The following ARHGEF7 variants were observed in gnomAD, a reference collection of about 807,000 sequenced individuals.
ARHGEF7 encodes Rho guanine nucleotide exchange factor 7, also known as PAK-interacting exchange factor beta.
In ARHGEF7, 33 loss-of-function variants were observed where a neutral mutation model predicts 109.8. That is an observed-to-expected ratio of 0.30 (90% confidence interval 0.23 to 0.40). The LOEUF (loss-of-function observed/expected upper bound fraction) is 0.40, where lower values mean the gene tolerates loss of function less well. Among genes scored for constraint, ARHGEF7 ranks in the 10% least tolerant of loss-of-function variants. ARHGEF7 has a pLI of 1.00. For missense variants in ARHGEF7, 938 were observed against 1,098.5 expected, an observed-to-expected ratio of 0.85 and a Z score of 2.07; for synonymous variants, 458 against 424.6, an observed-to-expected ratio of 1.08 and a Z score of -0.97.
At chr13:111,155,165 G>A (rs756528541) in intron 2 of ARHGEF7, among the ~76,000 whole-genome samples, 3 of 152,090 alleles carry the variant, frequency 2.0e-5, no homozygotes, top group East Asian at 3.9e-4. Context: ...GTATCCACCG[G>A]GATCCTGGAA....
chr13:111,232,819 C>G (rs1052244781), intron 5 of ARHGEF7, among the ~76,000 whole-genome samples: 1 of 152,102 alleles, frequency 6.6e-6, no homozygotes, highest in Non-Finnish European at 1.5e-5. Flanking sequence ...AACTTTTAGC[C>G]CTGATGTTTT....
intron 2 of ARHGEF7, among the ~76,000 whole-genome samples, chr13:111,198,952 G>C (rs369513163): frequency 6.6e-6 from 1 of 152,080 alleles, no homozygotes; most frequent in South Asian, 2.1e-4. Context: ...AGCTGGACAC[G>C]GAGTGCTGAT....
At chr13:111,194,164 T>C (rs1332228997) in intron 2 of ARHGEF7, among the ~76,000 whole-genome samples, 1 of 152,232 alleles carries the variant, frequency 6.6e-6, no homozygotes, top group African/African-American at 2.4e-5. Context: ...TGCCACCGGT[T>C]GTGGGGTTGT....
chr13:111,176,813 A>G (rs748627960), intron 2 of ARHGEF7, among the ~76,000 whole-genome samples: 47 of 152,180 alleles, frequency 3.1e-4, no homozygotes, highest in Admixed American at 9.2e-4. Context: ...CTGGAGTGCA[A>G]TGGTGCGATT....
At chr13:111,204,828 G>T (rs748182627) in intron 2 of ARHGEF7, among the ~76,000 whole-genome samples, 2 of 152,290 alleles carry the variant, frequency 1.3e-5, no homozygotes, top group South Asian at 4.1e-4. Flanking sequence ...TCTGATGTCC[G>T]CATTTTCTTT....
intron 2 of ARHGEF7, among the ~76,000 whole-genome samples, chr13:111,190,370 T>G (rs540433948): frequency 9.4e-4 from 143 of 152,304 alleles, no homozygotes; most frequent in Non-Finnish European, 1.6e-3. Context: ...CATCTCGTAC[T>G]ATCCCTGACT....
chr13:111,136,174 G>C (rs2075075797), intron 1 of ARHGEF7, among the ~76,000 whole-genome samples: 1 of 152,140 alleles, frequency 6.6e-6, no homozygotes, highest in Non-Finnish European at 1.5e-5. Flanking sequence ...TAAGCTTTTT[G>C]ATGTGCTCCT....
chr13:111,287,781 TAGCACAGCACCCTGAGCAGCAGGC>T (rs1421482189), intron 17 of ARHGEF7, among the ~76,000 whole-genome samples: 1 of 151,968 alleles, frequency 6.6e-6, no homozygotes, highest in Non-Finnish European at 1.5e-5. Context: ...GAGCGGGAGG[TAGCACAGCACCCTGAGCAGCAGGC>T]AGCCAGAGTC....
At chr13:111,223,600 G>T (rs2084771004) in intron 5 of ARHGEF7, among the ~76,000 whole-genome samples, 1 of 152,176 alleles carries the variant, frequency 6.6e-6, no homozygotes, top group Non-Finnish European at 1.5e-5. Flanking sequence ...AGATGGAATT[G>T]TTCTTGTCAA....
In ARHGEF7 at chr13:111,272,213, C is replaced by T. The variant is rs1356350207; in HGVS notation, c.1074-1601C>T. Among the ~76,000 whole-genome samples, 3 of 152,210 alleles carry T rather than the reference C, an allele frequency of 2.0e-5. No individual in the cohort carries two copies. The highest frequency in any genetic ancestry group is 4.4e-5 in the Non-Finnish European group (3 of 68,026). On this transcript the variant is annotated intron_variant, in intron 9 of 21. Transcript: ENST00000646102. This position sits in a 1 kb window ranked among gnomAD's most constrained non-coding sequence, Gnocchi z 5.2. ...GCGGGAAGGGCTGGCACCACCCTGG[C>T]TCTCAGTCCTCCTTATGGGAAGCTG...
chr13:111,240,885 T>C (rs189350617), intron 6 of ARHGEF7, among the ~76,000 whole-genome samples: 51 of 152,370 alleles, frequency 3.3e-4, no homozygotes, highest in Non-Finnish European at 4.3e-4. Context: ...AAATCAGTTA[T>C]TTGTTTTTAA....
intron 9 of ARHGEF7, among the ~76,000 whole-genome samples, chr13:111,268,398 T>A (rs192283631): frequency 0.014 from 2,061 of 152,302 alleles, 25 homozygotes; most frequent in Non-Finnish European, 0.02. Context: ...TTACAAAAAA[T>A]TTCATAATTT....
At chr13:111,245,333 C>T (rs1320655824) in intron 8 of ARHGEF7, among the ~76,000 whole-genome samples, 4 of 151,902 alleles carry the variant, frequency 2.6e-5, no homozygotes, top group South Asian at 2.1e-4. Flanking sequence ...AGCTGGTTGT[C>T]GTATAAGAAC....
chr13:111,185,141 G>T (rs1469828251), intron 2 of ARHGEF7: 1 of 152,226 alleles, frequency 6.6e-6, no homozygotes, highest in Non-Finnish European at 1.5e-5. Flanking sequence ...ATCCAGTGCA[G>T]GCAGCAGCTT....
intron 10 of ARHGEF7, 79 bp downstream of exon 10, chr13:111,274,031 T>G: frequency 6.7e-7 from 1 of 1,499,728 alleles, no homozygotes. Context: ...AAAGAAAGTA[T>G]TATTCATGAT....
intron 2 of ARHGEF7, chr13:111,184,831 G>C (rs536560018): frequency 6.5e-6 from 1 of 152,880 alleles, no homozygotes; most frequent in African/African-American, 2.4e-5. Flanking sequence ...TTCACTGTGC[G>C]GGTTGTGTGT....
chr13:111,166,681 A>T lies in ARHGEF7; in HGVS notation c.252+12690A>T, dbSNP rs548660170. Among the ~76,000 whole-genome samples the T allele has an allele frequency of 8.0e-4, 122 of 152,308 alleles. 1 individual carries two copies. The highest frequency in any genetic ancestry group is 2.8e-3 in the African/African-American group (117 of 41,554). On this transcript the variant is annotated intron_variant, in intron 2 of 21. Coordinates refer to ENST00000646102, the MANE Select transcript of ARHGEF7 (RefSeq NM_001354046.2). ...AGGGTTTGGCCTGAGCAGTTAGAAGAAGTTGTCTTTGGGATGGGGAAGTCT... is the reference window on the plus strand; with the variant it reads ...AGGGTTTGGCCTGAGCAGTTAGAAGTAGTTGTCTTTGGGATGGGGAAGTCT...
chr13:111,277,727 C>A (rs1002071543), intron 13 of ARHGEF7, 54 bp downstream of exon 13: 2 of 1,283,624 alleles, frequency 1.6e-6, no homozygotes, highest in Admixed American at 1.7e-5. Flanking sequence ...TAATTTCAAA[C>A]TGGCTTTGAA....
chr13:111,202,184 C>T (rs1051070007), intron 2 of ARHGEF7, among the ~76,000 whole-genome samples: 2 of 152,132 alleles, frequency 1.3e-5, no homozygotes, highest in Admixed American at 6.5e-5. Context: ...GTGCAGCCAC[C>T]CTTGTCCCCA....
Sources: gnomAD v4.1 joint callset for allele counts (sites outside exome capture counted in the v4.1 genomes callset) on GRCh38, gnomAD v4.1.1 for gene constraint, Gnocchi (gnomAD v3.1) non-coding constraint, MANE v1.5 for transcripts, NCBI Gene and HGNC (gene_info 2026-07-23, HGNC 2026-07-21) for gene names.